COPG2: variants seen among roughly 807,000 people sequenced by gnomAD.
COPG2 encodes coat protein complex I subunit gamma 2, also known as coatomer subunit gamma-2.
A neutral mutation model predicts 46.3 loss-of-function variants in COPG2; 37 were observed. That is an observed-to-expected ratio of 0.80 (90% CI 0.61 to 1.05). COPG2 has a LOEUF of 1.05. Ranked by LOEUF, COPG2 falls within the 50% of genes least tolerant of loss-of-function variation. The probability of loss-of-function intolerance (pLI) is 0.00; values close to 1 mark genes in which losing one functional copy is unlikely to be tolerated. For synonymous variants in COPG2, 159 were observed against 129.7 expected, an observed-to-expected ratio of 1.23 and a Z score of -1.53; for missense variants, 427 against 387.8, an observed-to-expected ratio of 1.10 and a Z score of -0.85.
Position 130,668,731 on chromosome 7 carries a change from G to T in COPG2, c.-63C>A. The T allele has an allele frequency of 6.7e-7, 1 of 1,491,064 alleles. No homozygotes were observed. The highest frequency in any genetic ancestry group is 9.0e-7 in the Non-Finnish European group (1 of 1,115,948). The allele number at this position is 1,491,064 out of a possible 1,614,324, so 92.4% of individuals were successfully genotyped here. ...GTCCCAGGCGCCGCAGCCGGCGAGC[G>T]GAAGAGGCTGCAGGAAGGCCGGCCC... On this transcript the variant is annotated 5_prime_UTR_variant, in exon 1 of 24. Transcript: ENST00000425248.
intron 9 of COPG2, among the ~76,000 whole-genome samples, chr7:130,596,053 T>C (rs1393048194): frequency 6.6e-6 from 1 of 152,138 alleles, no homozygotes; most frequent in African/African-American, 2.4e-5. Flanking sequence ...GGGAAGGCTT[T>C]GACCTACACC....
At chr7:130,522,362 G>T (rs1799730967) in intron 20 of COPG2, among the ~76,000 whole-genome samples, 1 of 152,208 alleles carries the variant, frequency 6.6e-6, no homozygotes, top group South Asian at 2.1e-4. Context: ...GGAGTGGGGA[G>T]TAACTGGAGG....
At chr7:130,567,792 T>C (rs1210834946) in intron 9 of COPG2, among the ~76,000 whole-genome samples, 1 of 152,164 alleles carries the variant, frequency 6.6e-6, no homozygotes, top group Non-Finnish European at 1.5e-5. Context: ...AAGCCAGCAC[T>C]ACAATAACTG....
intron 20 of COPG2, among the ~76,000 whole-genome samples, chr7:130,528,146 G>A (rs922788290): frequency 2.6e-5 from 4 of 152,100 alleles, no homozygotes; most frequent in African/African-American, 7.2e-5. Flanking sequence ...CAGGCAGGGC[G>A]GGAGAGTCAG....
At chr7:130,564,657 G>A (rs1793774207) in intron 9 of COPG2, 1 of 292,388 alleles carries the variant, frequency 3.4e-6, no homozygotes, top group African/African-American at 2.2e-5. Context: ...TAAAAATGGT[G>A]AAGTTTCTGG....
intron 22 of COPG2, 75 bp from the exon 23 acceptor site, chr7:130,507,447 G>A: frequency 1.3e-6 from 1 of 766,022 alleles, no homozygotes; most frequent in South Asian, 1.4e-5. Context: ...AGTGTATGCT[G>A]GGAGCTGGGG....
intron 9 of COPG2, among the ~76,000 whole-genome samples, chr7:130,587,543 A>G (rs1422284723): frequency 6.6e-6 from 1 of 152,048 alleles, no homozygotes. Flanking sequence ...AACTTAGAAC[A>G]TGGATTCCCT....
intron 4 of COPG2, among the ~76,000 whole-genome samples, chr7:130,662,181 C>T (rs1159189140): frequency 1.3e-5 from 2 of 152,114 alleles, no homozygotes; most frequent in Admixed American, 6.5e-5. Flanking sequence ...TATATAATGG[C>T]CTCCCCTGAA....
At chr7:130,518,088 G>T (rs1009324599) in intron 20 of COPG2, among the ~76,000 whole-genome samples, 1 of 152,184 alleles carries the variant, frequency 6.6e-6, no homozygotes, top group Non-Finnish European at 1.5e-5. Flanking sequence ...ACAGCACTAC[G>T]TATTAATTAT....
chr7:130,603,501 C>G (rs1554450645), intron 9 of COPG2, among the ~76,000 whole-genome samples: 3 of 152,008 alleles, frequency 2.0e-5, no homozygotes, highest in Non-Finnish European at 4.4e-5. Flanking sequence ...AGGTGGATCA[C>G]CTGAGGTCAG....
At chr7:130,518,456 G>T (rs1480251501) in intron 20 of COPG2, among the ~76,000 whole-genome samples, 1 of 152,184 alleles carries the variant, frequency 6.6e-6, no homozygotes, top group African/African-American at 2.4e-5. Flanking sequence ...TATTTGGTGA[G>T]AAGATGATCT....
intron 20 of COPG2, among the ~76,000 whole-genome samples, chr7:130,542,589 A>T (rs1793352061): frequency 6.6e-6 from 1 of 152,110 alleles, no homozygotes; most frequent in Non-Finnish European, 1.5e-5. Flanking sequence ...GTGGCAGGGC[A>T]TGCAGGACTG....
intron 14 of COPG2, among the ~76,000 whole-genome samples, chr7:130,553,507 C>A (rs1178173123): frequency 6.6e-6 from 1 of 151,990 alleles, no homozygotes; most frequent in Non-Finnish European, 1.5e-5. Context: ...TGCTAAAGAA[C>A]AGATAGGGGC....
intron 5 of COPG2, among the ~76,000 whole-genome samples, chr7:130,619,910 C>G (rs558726528): frequency 6.6e-6 from 1 of 152,142 alleles, no homozygotes; most frequent in Non-Finnish European, 1.5e-5. Flanking sequence ...TGGCTGAAGT[C>G]GGACTTAGTT....
intron 21 of COPG2, 124 bp downstream of exon 21, chr7:130,508,438 G>T (rs1554440522): frequency 6.4e-6 from 4 of 623,622 alleles, no homozygotes; most frequent in Non-Finnish European, 1.2e-5. Context: ...TTTGTCATCT[G>T]TTTCAGAAGA....
intron 20 of COPG2, among the ~76,000 whole-genome samples, chr7:130,520,230 T>C (rs1255500284): frequency 6.6e-6 from 1 of 152,144 alleles, no homozygotes; most frequent in Non-Finnish European, 1.5e-5. Context: ...CAAAAGGACA[T>C]AGCAGTAAGT....
intron 9 of COPG2, among the ~76,000 whole-genome samples, chr7:130,595,904 C>A (rs1321638367): frequency 6.6e-6 from 1 of 152,174 alleles, no homozygotes; most frequent in African/African-American, 2.4e-5. Flanking sequence ...CCCATTGGGG[C>A]CTTAATTGGA....
rs1027760000 is a variant in COPG2, at chr7:130,552,418, G to A, written c.1481C>T (p.Ala494Val). The A allele has an allele frequency of 9.3e-5, 37 of 398,190 alleles. No individual in the cohort carries two copies. Among genetic ancestry groups the A allele is most frequent in the African/African-American group, 6.0e-4 (29 of 48,658 alleles). 24.7% of individuals were successfully genotyped at this position (398,190 alleles called of 1,614,324 possible). The stretch of plus-strand genomic sequence containing the variant: ...ATTCTGAGCCCCAAATTTAGCCAAA[G>A]CACTCACAGCAGCTATAATGAAGCA... ...NEAVRAAAVS[A>V]LAKFGAQNES... Residue 494 changes from alanine (A) to valine (V), a missense_variant, in exon 15 of 24, where the codon GCT becomes GTT. Transcript: ENST00000425248.
At chr7:130,598,454 C>G (rs1321553897) in intron 9 of COPG2, among the ~76,000 whole-genome samples, 4 of 152,168 alleles carry the variant, frequency 2.6e-5, no homozygotes, top group Non-Finnish European at 5.9e-5. Context: ...GTCTCTCCAT[C>G]TAAGGCCCAG....
Sources: allele counts gnomAD v4.1 joint callset (sites outside exome capture counted in the v4.1 genomes callset), GRCh38; gene constraint gnomAD v4.1.1; transcripts MANE v1.5; gene names NCBI Gene and HGNC (gene_info 2026-07-23, HGNC 2026-07-21).